Variants in REV1 observed in about 807,000 individuals in gnomAD.
The protein encoded by REV1 is translesion synthesis protein REV1.
In REV1, 42 loss-of-function variants were observed where a neutral mutation model predicts 137.4. The ratio of observed to expected loss-of-function variants is 0.31; its 90% confidence interval spans 0.24 to 0.40. REV1 has a LOEUF of 0.40. Ranked by LOEUF, REV1 falls within the 10% of genes least tolerant of loss-of-function variation. The pLI is 1.00. For missense variants in REV1, 1,282 were observed against 1,490.1 expected (o/e 0.86, Z 2.30); for synonymous variants, 524 against 519.2 (o/e 1.01, Z -0.12).
intron 3 of REV1, among the ~76,000 whole-genome samples, chr2:99,451,732 G>A (rs777694649): frequency 8.6e-5 from 13 of 151,680 alleles, no homozygotes; most frequent in African/African-American, 2.9e-4. Flanking sequence ...AACTCCTTTC[G>A]AGTAATGTAT....
intron 6 of REV1, among the ~76,000 whole-genome samples, chr2:99,437,475 A>T (rs1319180283): frequency 6.6e-6 from 1 of 152,208 alleles, no homozygotes; most frequent in Non-Finnish European, 1.5e-5. Flanking sequence ...CTTCCTTACT[A>T]CCCTCTATAT....
At chr2:99,431,818 C>T in intron 8 of REV1, 3 of 985,394 alleles carry the variant, frequency 3.0e-6, no homozygotes, top group Non-Finnish European at 2.4e-6. Context: ...CAGGGAAATG[C>T]AGGGACACAC....
chr2:99,416,937 A>G (rs1051914330), intron 12 of REV1, among the ~76,000 whole-genome samples: 1 of 150,638 alleles, frequency 6.6e-6, no homozygotes, highest in Non-Finnish European at 1.5e-5. Context: ...AAAAAAAGAA[A>G]TAAAGTCTTT....
intron 10 of REV1, 56 bp from the exon 11 acceptor site, chr2:99,421,709 C>A: frequency 6.5e-7 from 1 of 1,537,498 alleles, no homozygotes; most frequent in Non-Finnish European, 8.8e-7. Flanking sequence ...TCTGGTAGAC[C>A]CAATGTTGCA....
intron 1 of REV1, among the ~76,000 whole-genome samples, chr2:99,465,257 T>C (rs372596093): frequency 6.6e-6 from 1 of 152,210 alleles, no homozygotes; most frequent in African/African-American, 2.4e-5. Flanking sequence ...TGAGCACCAA[T>C]CCTAACATTC....
chr2:99,415,771 A>G (rs1459492150), intron 12 of REV1, among the ~76,000 whole-genome samples: 1 of 152,236 alleles, frequency 6.6e-6, no homozygotes, highest in Admixed American at 6.5e-5. Context: ...ATAGAGAGGG[A>G]ATCCATATGC....
intron 5 of REV1, among the ~76,000 whole-genome samples, chr2:99,440,833 T>C (rs1216867445): frequency 1.3e-5 from 2 of 152,178 alleles, no homozygotes; most frequent in African/African-American, 4.8e-5. Flanking sequence ...ACCCTTTACA[T>C]GCATTATAGC....
intron 1 of REV1, among the ~76,000 whole-genome samples, chr2:99,488,443 T>C (rs1232576093): frequency 8.4e-6 from 1 of 119,200 alleles, no homozygotes; most frequent in East Asian, 2.2e-4. Context: ...GATAGGAGTT[T>C]GGTACAGACT....
At chr2:99,408,227 T>C (rs1209940461) in intron 14 of REV1, 96 bp from the exon 15 acceptor site, 1 of 588,916 alleles carries the variant, frequency 1.7e-6, no homozygotes, top group Non-Finnish European at 2.8e-6. Flanking sequence ...TATAGAAAAG[T>C]TGTAAACAGT....
intron 1 of REV1, among the ~76,000 whole-genome samples, chr2:99,480,611 C>T (rs1686511924): frequency 6.6e-6 from 1 of 152,162 alleles, no homozygotes; most frequent in African/African-American, 2.4e-5. Flanking sequence ...TCTCTGAACT[C>T]ACAAGGTAAC....
At chr2:99,456,462 G>C (rs558876747) in intron 3 of REV1, among the ~76,000 whole-genome samples, 19 of 152,198 alleles carry the variant, frequency 1.2e-4, no homozygotes, top group South Asian at 2.1e-4. Context: ...TTAGATAGGT[G>C]AAGTCAGGGA....
intron 11 of REV1, among the ~76,000 whole-genome samples, chr2:99,419,720 G>C (rs185604102): frequency 3.3e-5 from 5 of 152,206 alleles, no homozygotes; most frequent in African/African-American, 1.2e-4. Flanking sequence ...TGAGGTTCAC[G>C]GTGTAGGTGT....
chr2:99,427,616 A>C (rs1473419858), intron 9 of REV1, among the ~76,000 whole-genome samples: 1 of 152,224 alleles, frequency 6.6e-6, no homozygotes, highest in Non-Finnish European at 1.5e-5. Context: ...TCTCTTATGC[A>C]AATTGTTAAA....
intron 1 of REV1, among the ~76,000 whole-genome samples, chr2:99,470,218 T>C (rs1685264410): frequency 2.0e-5 from 3 of 152,290 alleles, no homozygotes; most frequent in Middle Eastern, 3.4e-3. Context: ...TTCCACTACA[T>C]ATCCACAAAA....
chr2:99,427,457 C>T (rs549545104), intron 9 of REV1, among the ~76,000 whole-genome samples: 11 of 152,310 alleles, frequency 7.2e-5, no homozygotes, highest in African/African-American at 2.4e-4. Context: ...CACATATACA[C>T]ATTCTACTTT....
intron 12 of REV1, among the ~76,000 whole-genome samples, chr2:99,418,179 C>G (rs1341649778): frequency 1.4e-5 from 2 of 140,578 alleles, no homozygotes; most frequent in Non-Finnish European, 3.2e-5. Flanking sequence ...TTAAAACTTT[C>G]ACTATAAATG....
intron 8 of REV1, among the ~76,000 whole-genome samples, chr2:99,431,150 A>G (rs996677512): frequency 6.6e-6 from 1 of 152,190 alleles, no homozygotes; most frequent in Non-Finnish European, 1.5e-5. Context: ...AATCATCAGC[A>G]TCTTTCATCT....
chr2:99,425,499 A>G (rs1679217304), intron 9 of REV1, among the ~76,000 whole-genome samples: 1 of 152,164 alleles, frequency 6.6e-6, no homozygotes. Context: ...CATGGGGACA[A>G]CCTTGCACTT....
In REV1 at chr2:99,404,556, T is replaced by C. The variant is rs746431720; in HGVS notation, c.2933A>G (p.Asn978Ser). The change falls in exon 18 of 23, where the codon AAT becomes AGT. Residue 978 changes from asparagine to serine, a missense_variant. By Grantham distance (46) the Asn-to-Ser change is conservative. Coordinates refer to ENST00000258428, the MANE Select transcript of REV1 (RefSeq NM_016316.4). ...DKKKEPVNGC[N>S]TGILPQPVGT... is the part of the protein sequence containing the mutation. Reference sequence around the variant, plus strand: ...AACTGGTTGTGGCAAAATTCCTGTATTACAGCCATTTACTGGTTCTTTCTT... The same window carrying C: ...AACTGGTTGTGGCAAAATTCCTGTACTACAGCCATTTACTGGTTCTTTCTT... The C allele has an allele frequency of 1.6e-5, 26 of 1,614,034 alleles. No individual in the cohort carries two copies. The highest frequency in any genetic ancestry group is 2.7e-5 in the African/African-American group (2 of 74,930).
Sources: allele counts gnomAD v4.1 joint callset (sites outside exome capture counted in the v4.1 genomes callset), GRCh38; gene constraint gnomAD v4.1.1; transcripts MANE v1.5; gene names NCBI Gene and HGNC (gene_info 2026-07-23, HGNC 2026-07-21).